The following HS2ST1 variants were observed in gnomAD, a reference collection of about 807,000 sequenced individuals.
HS2ST1 encodes the protein 2-O-sulfotransferase.
In HS2ST1, 18 loss-of-function variants were observed where a neutral mutation model predicts 42.9. The ratio of observed to expected loss-of-function variants is 0.42; its 90% CI spans 0.29 to 0.62. The LOEUF is 0.62. Among genes scored for constraint, HS2ST1 ranks in the 20% least tolerant of loss-of-function variants. The pLI is 0.21. For synonymous variants in HS2ST1, 146 were observed against 152.9 expected (o/e 0.95, Z 0.33); for missense variants, 334 against 433.8 (o/e 0.77, Z 2.04).
At chr1:87,048,763 T>A (rs1650760371) in intron 1 of HS2ST1, among the ~76,000 whole-genome samples, 1 of 152,144 alleles carries the variant, frequency 6.6e-6, no homozygotes, top group Admixed American at 6.5e-5. Flanking sequence ...TTAGCTTATT[T>A]AATAAGGTAA....
chr1:87,030,181 G>A (rs148726444), intron 1 of HS2ST1, among the ~76,000 whole-genome samples: 3 of 152,238 alleles, frequency 2.0e-5, no homozygotes, highest in Admixed American at 6.5e-5. Flanking sequence ...TACCATGTGC[G>A]TTAAATTAGG....
chr1:87,070,591 C>CA (rs1651377761), intron 1 of HS2ST1, among the ~76,000 whole-genome samples: 1 of 151,662 alleles, frequency 6.6e-6, no homozygotes, highest in Non-Finnish European at 1.5e-5. Context: ...GACCCTGTCT[C>CA]AAAAAAATAA....
intron 1 of HS2ST1, among the ~76,000 whole-genome samples, chr1:86,963,744 G>GCC (rs370405012): frequency 0.069 from 8,715 of 126,698 alleles, 439 homozygotes; most frequent in Non-Finnish European, 0.08. Context: ...AGGCAGAGGC[G>GCC]CCCCCCCCCC....
intron 4 of HS2ST1, 78 bp from the exon 5 acceptor site, chr1:87,097,760 A>G: frequency 1.3e-6 from 2 of 1,536,162 alleles, no homozygotes; most frequent in Non-Finnish European, 8.9e-7. Context: ...CCATTTATTT[A>G]ATAATTTACC....
At chr1:87,021,954 T>A (rs999696456) in intron 1 of HS2ST1, among the ~76,000 whole-genome samples, 22 of 152,234 alleles carry the variant, frequency 1.4e-4, no homozygotes, top group African/African-American at 5.3e-4. Context: ...GTTTGCAAGA[T>A]CACAGAAGAA....
chr1:86,918,456 C>T (rs1269643675), intron 1 of HS2ST1, among the ~76,000 whole-genome samples: 1 of 151,754 alleles, frequency 6.6e-6, no homozygotes, highest in Non-Finnish European at 1.5e-5. Context: ...TTCAGTTTGT[C>T]CCCCATCTGT....
intron 1 of HS2ST1, among the ~76,000 whole-genome samples, chr1:86,971,279 C>A (rs75606605): frequency 0.011 from 1,688 of 151,986 alleles, 25 homozygotes; most frequent in African/African-American, 0.038. Flanking sequence ...TGATTCCTGT[C>A]ATTATTTAAA....
At chr1:87,079,390 G>T (rs906553133) in intron 2 of HS2ST1, among the ~76,000 whole-genome samples, 1 of 152,108 alleles carries the variant, frequency 6.6e-6, no homozygotes, top group African/African-American at 2.4e-5. Flanking sequence ...CACCCGCCTC[G>T]GCTTTCCAAA....
intron 1 of HS2ST1, among the ~76,000 whole-genome samples, chr1:86,952,280 C>G (rs758803974): frequency 1.3e-5 from 2 of 152,172 alleles, no homozygotes; most frequent in Non-Finnish European, 1.5e-5. Flanking sequence ...CTGTGTTGCC[C>G]AGGCTGGAGT....
At chr1:87,042,454 T>C (rs537084342) in intron 1 of HS2ST1, among the ~76,000 whole-genome samples, 1 of 152,280 alleles carries the variant, frequency 6.6e-6, no homozygotes, top group East Asian at 1.9e-4. Context: ...CTGGGTCCTT[T>C]GTTTCAGTCC....
intron 1 of HS2ST1, among the ~76,000 whole-genome samples, chr1:86,976,359 C>CAG (rs1648399002): frequency 6.6e-6 from 1 of 152,122 alleles, no homozygotes; most frequent in Non-Finnish European, 1.5e-5. Context: ...TGTCTGGCTG[C>CAG]TTATTCCCAG....
intron 1 of HS2ST1, among the ~76,000 whole-genome samples, chr1:86,921,612 G>A (rs768302440): frequency 1.1e-4 from 16 of 152,164 alleles, no homozygotes; most frequent in Admixed American, 6.5e-4. Context: ...TTTTTTCTAC[G>A]TAAGAAGACA....
At chr1:86,967,786 A>G (rs903473362) in intron 1 of HS2ST1, among the ~76,000 whole-genome samples, 8 of 152,308 alleles carry the variant, frequency 5.3e-5, no homozygotes, top group African/African-American at 1.9e-4. Flanking sequence ...TTTTCATATA[A>G]TGACTTCTTT....
intron 1 of HS2ST1, among the ~76,000 whole-genome samples, chr1:86,924,105 C>G (rs1660361412): frequency 6.6e-6 from 1 of 152,180 alleles, no homozygotes; most frequent in Non-Finnish European, 1.5e-5. Flanking sequence ...TTGGCCAAAA[C>G]AAAGGTGTTA....
intron 1 of HS2ST1, among the ~76,000 whole-genome samples, chr1:86,991,811 T>C (rs76345135): frequency 6.6e-6 from 1 of 152,196 alleles, no homozygotes; most frequent in African/African-American, 2.4e-5. Context: ...GGCTCTTTAC[T>C]ACTCACATTA....
intron 1 of HS2ST1, among the ~76,000 whole-genome samples, chr1:87,038,486 A>T (rs897530392): frequency 1.3e-5 from 2 of 152,168 alleles, no homozygotes; most frequent in African/African-American, 4.8e-5. Context: ...AATTCAATAA[A>T]ATTAAGGATT....
chr1:87,005,653 C>T (rs1187296593), intron 1 of HS2ST1, among the ~76,000 whole-genome samples: 1 of 152,080 alleles, frequency 6.6e-6, no homozygotes, highest in African/African-American at 2.4e-5. Context: ...CCTAAGTATT[C>T]AGTTGGCCTT....
intron 1 of HS2ST1, among the ~76,000 whole-genome samples, chr1:87,066,678 A>G (rs891988895): frequency 1.3e-5 from 2 of 151,960 alleles, no homozygotes; most frequent in Non-Finnish European, 2.9e-5. Context: ...GCACCCATCA[A>G]CCCATCATCT....
chr1:87,001,026 G>C (rs920965643), intron 1 of HS2ST1, among the ~76,000 whole-genome samples: 9 of 152,168 alleles, frequency 5.9e-5, no homozygotes, highest in African/African-American at 2.2e-4. Context: ...AAGTATAATG[G>C]AAGAAAGCTT....
Sources: allele counts gnomAD v4.1 joint callset (sites outside exome capture counted in the v4.1 genomes callset), GRCh38; gene constraint gnomAD v4.1.1; transcripts MANE v1.5; gene names NCBI Gene and HGNC (gene_info 2026-07-23, HGNC 2026-07-21).